Variants in CDH22 observed in about 807,000 individuals in gnomAD.
The protein encoded by CDH22 is cadherin-22.
Under a neutral mutation model 58.4 loss-of-function variants are expected in CDH22, and 30 were observed. That is an observed-to-expected ratio of 0.51 (90% CI 0.38 to 0.70). The LOEUF is 0.70. CDH22 is among the 30% of genes least tolerant of loss of function. CDH22 has a pLI of 0.00. For missense variants in CDH22, 1,014 were observed against 1,233.9 expected, an observed-to-expected ratio of 0.82 and a Z score of 2.67; for synonymous variants, 513 against 558.2, an observed-to-expected ratio of 0.92 and a Z score of 1.14.
intron 1 of CDH22, among the ~76,000 whole-genome samples, chr20:46,298,923 T>C (rs2086639719): frequency 6.6e-6 from 1 of 152,114 alleles, no homozygotes; most frequent in African/African-American, 2.4e-5. Context: ...CTGGCCCCTG[T>C]TCTCTACAAC....
rs544664843 is a variant in CDH22, at chr20:46,258,608, C to T, written c.-399-6915G>A. ...TGTGACCTGGCAGATCCTTGCTGCT[C>T]CTGCCTAGGGCTGGGTTTCTCTAGT... On this transcript the variant is annotated intron_variant, in intron 1 of 11. Coordinates refer to ENST00000537909, the MANE Select transcript of CDH22 (RefSeq NM_021248.3). Among the ~76,000 whole-genome samples the T allele has an allele frequency of 3.0e-4, 45 of 152,348 alleles. No homozygotes were observed. The South Asian group carries it at 3.1e-3, about 11-fold the overall frequency.
chr20:46,200,228 C>T (rs1325225583), intron 7 of CDH22, among the ~76,000 whole-genome samples: 1 of 152,050 alleles, frequency 6.6e-6, no homozygotes, highest in Non-Finnish European at 1.5e-5. Flanking sequence ...CCCGCCTTGG[C>T]CTCCCAAAGT....
chr20:46,286,429 C>T (rs1425184436), intron 1 of CDH22, among the ~76,000 whole-genome samples: 3 of 152,150 alleles, frequency 2.0e-5, no homozygotes, highest in African/African-American at 2.4e-5. Flanking sequence ...GACCAGGGCG[C>T]GTTATTGCCC....
intron 10 of CDH22, among the ~76,000 whole-genome samples, chr20:46,179,204 G>T (rs2085766485): frequency 1.3e-5 from 2 of 152,218 alleles, no homozygotes; most frequent in South Asian, 4.1e-4. Flanking sequence ...AGCTCCGAAG[G>T]CTGCTGCCCC....
rs2145792551 is a variant in CDH22 at position 46,308,422 on chromosome 20, T to C, written c.-567A>G. The C allele has an allele frequency of 9.5e-6, 2 of 209,822 alleles. No individual in the cohort carries two copies. Among genetic ancestry groups the C allele is most frequent in the South Asian group, 1.8e-4 (1 of 5,632 alleles). 13.0% of individuals were successfully genotyped at this position (209,822 alleles called of 1,614,324 possible). ...AGCCGCGGCGGCGTGTGCGCGCGTG[T>C]GTGTGAGCGAGAGAGCGAGAGAGCG... On this transcript the variant is annotated 5_prime_UTR_variant, in exon 1 of 12. Coordinates refer to ENST00000537909, the MANE Select transcript of CDH22 (RefSeq NM_021248.3). This position sits in a 1 kb window ranked among gnomAD's most constrained non-coding sequence, Gnocchi z 4.3.
chr20:46,193,303 G>A (rs1280106916), intron 8 of CDH22, among the ~76,000 whole-genome samples: 2 of 152,060 alleles, frequency 1.3e-5, no homozygotes, highest in Non-Finnish European at 2.9e-5. Context: ...CTGGTGACAG[G>A]GAGCTCACTG....
Position 46,251,046 on chromosome 20 carries a change from C to G in CDH22, c.249G>C (p.Val83=). 1 of 1,608,230 alleles carries G rather than the reference C, an allele frequency of 6.2e-7. No individual in the cohort carries two copies. The highest frequency in any genetic ancestry group is 8.5e-7 in the Non-Finnish European group (1 of 1,175,666). ...EEYTGTEPLY[V]GKIHSDSDEG... is the part of the protein sequence containing the mutation. ...GAGTGGGGCCCCACTTTACCTTGCC[C>G]ACATACAGGGGCTCCGTGCCCGTGT... Residue 83 remains valine, a synonymous_variant, in exon 2 of 12, where the codon GTG becomes GTC. Coordinates refer to ENST00000537909, the MANE Select transcript of CDH22 (RefSeq NM_021248.3). This position sits in a 1 kb window ranked among gnomAD's most constrained non-coding sequence, Gnocchi z 6.7.
intron 1 of CDH22, among the ~76,000 whole-genome samples, chr20:46,252,367 C>T (rs770596191): frequency 7.2e-4 from 109 of 152,196 alleles, no homozygotes; most frequent in Admixed American, 2.9e-3. Flanking sequence ...CTCCACATTC[C>T]CCCAGAAAAT....
At chr20:46,266,341 A>T (rs2086459536) in intron 1 of CDH22, among the ~76,000 whole-genome samples, 1 of 152,148 alleles carries the variant, frequency 6.6e-6, no homozygotes, top group Non-Finnish European at 1.5e-5. Flanking sequence ...GACCTGGGTC[A>T]TTCAGGGGCC....
chr20:46,289,825 G>A (rs538036288), intron 1 of CDH22, among the ~76,000 whole-genome samples: 1 of 152,292 alleles, frequency 6.6e-6, no homozygotes, highest in South Asian at 2.1e-4. Flanking sequence ...GGCCAGAAGG[G>A]ATAGAGATTA....
intron 7 of CDH22, among the ~76,000 whole-genome samples, chr20:46,203,072 T>TA (rs2085973732): frequency 1.3e-5 from 2 of 152,256 alleles, no homozygotes; most frequent in South Asian, 2.1e-4. Flanking sequence ...GTTTTTCTCT[T>TA]TTGTTCTTTC....
intron 8 of CDH22, 140 bp downstream of exon 8, chr20:46,199,283 T>C (rs942176317): frequency 2.0e-6 from 2 of 1,004,384 alleles, no homozygotes; most frequent in Admixed American, 5.7e-5. Context: ...CTTCGCACCA[T>C]CCCCAACCTT....
Position 46,210,275 on chromosome 20 carries a change from C to G in CDH22, c.1286+32G>C. 7.3e-7 allele frequency: 1 copy of G among 1,375,542 alleles called. No individual in the cohort carries two copies. Among genetic ancestry groups the G allele is most frequent in the Non-Finnish European group, 9.3e-7 (1 of 1,070,382 alleles). The allele number at this position is 1,375,542 out of a possible 1,614,324, so 85.2% of individuals were successfully genotyped here. On this transcript the variant is annotated intron_variant, in intron 7 of 11. Transcript: ENST00000537909. This position sits in a 1 kb window ranked among gnomAD's most constrained non-coding sequence, Gnocchi z 4.5. ...GCGGGGGTGATGGCGGGATAGCAGGCAGCAGGCGTCGGCCCCGGGCGGGGG... is the reference window on the plus strand; with the variant it reads ...GCGGGGGTGATGGCGGGATAGCAGGGAGCAGGCGTCGGCCCCGGGCGGGGG...
At chr20:46,223,961 C>T (rs1433239118) in intron 4 of CDH22, among the ~76,000 whole-genome samples, 1 of 152,010 alleles carries the variant, frequency 6.6e-6, no homozygotes, top group Non-Finnish European at 1.5e-5. Flanking sequence ...TCAGGCAATT[C>T]TCCTGCCTCA....
intron 9 of CDH22, 34 bp downstream of exon 9, chr20:46,186,792 A>G (rs1261575948): frequency 6.3e-7 from 1 of 1,596,560 alleles, no homozygotes; most frequent in African/African-American, 1.3e-5. Context: ...CCAGTCCTGG[A>G]AGCAACGCCC....
intron 1 of CDH22, among the ~76,000 whole-genome samples, chr20:46,256,499 A>T (rs1056649272): frequency 6.6e-6 from 1 of 152,194 alleles, no homozygotes; most frequent in African/African-American, 2.4e-5. Flanking sequence ...CCCTGAGGTC[A>T]GCAGCATGTG....
chr20:46,181,748 C>CTTCCTTCCTTCCTTCCTTCCTTCTTTCT, intron 10 of CDH22, among the ~76,000 whole-genome samples: 1 of 26,316 alleles, frequency 3.8e-5, no homozygotes, highest in East Asian at 1.2e-3. Context: ...TCCTTCCTTC[C>CTTCCTTCCTTCCTTCCTTCCTTCTTTCT]TTCCTTCTTT....
Position 46,227,766 on chromosome 20 carries a change from G to T in CDH22, c.551-139C>A. The T allele has an allele frequency of 3.2e-6, 4 of 1,259,408 alleles. No individual in the cohort carries two copies. The South Asian group carries it at 5.9e-5, about 19-fold the overall frequency. 78.0% of individuals were successfully genotyped at this position (1,259,408 alleles called of 1,614,324 possible). A position where few individuals can be genotyped will look rare whatever the true frequency, so the allele number is the denominator to read the frequency against. On this transcript the variant is annotated intron_variant, in intron 3 of 11. Coordinates refer to ENST00000537909, the MANE Select transcript of CDH22 (RefSeq NM_021248.3). ...AGGCCATCGAATACAGCCCCTCACGGTCCCCATCCCCACTCTGAGCCCCAA... is the reference window on the plus strand; with the variant it reads ...AGGCCATCGAATACAGCCCCTCACGTTCCCCATCCCCACTCTGAGCCCCAA...
At position 46,251,211 on chromosome 20, in the gene CDH22, C is replaced by A; in HGVS notation, c.84G>T (p.Pro28=). ...ACAGGCGCCCCAGCAGCGTCGGCGGCGGCGGCAGCAGCAGCAGCAGCAGTA... is the reference window on the plus strand; with the variant it reads ...ACAGGCGCCCCAGCAGCGTCGGCGGAGGCGGCAGCAGCAGCAGCAGCAGTA... ...PALLLLLLLP[P]PPTLLGRLWA... is the part of the protein sequence containing the mutation. The change falls in exon 2 of 12, where the codon CCG becomes CCT. Residue 28 remains proline (P), a synonymous_variant. Coordinates refer to ENST00000537909, the MANE Select transcript of CDH22 (RefSeq NM_021248.3). The surrounding 1 kb of genome is among the most constrained non-coding windows in gnomAD (Gnocchi z 6.7). 1 of 1,467,302 alleles carries A rather than the reference C, an allele frequency of 6.8e-7. No individual in the cohort carries two copies. Among genetic ancestry groups the A allele is most frequent in the Non-Finnish European group, 9.0e-7 (1 of 1,111,304 alleles). The allele number at this position is 1,467,302 out of a possible 1,614,324, so 90.9% of individuals were successfully genotyped here.
Sources: allele counts gnomAD v4.1 joint callset (sites outside exome capture counted in the v4.1 genomes callset), GRCh38; gene constraint gnomAD v4.1.1; non-coding constraint Gnocchi (gnomAD v3.1); transcripts MANE v1.5; gene names NCBI Gene and HGNC (gene_info 2026-07-23, HGNC 2026-07-21).